Variants in SERPINA3 observed in about 807,000 individuals in gnomAD.
SERPINA3 encodes the protein serpin family A member 3, also known as alpha-1-antichymotrypsin.
SERPINA3 carries 32 observed loss-of-function variants against 26.8 expected under a neutral mutation model. That is an observed-to-expected ratio of 1.20 (90% CI 0.90 to 1.61). SERPINA3 has a LOEUF of 1.61. Ranked by LOEUF, SERPINA3 falls within the 40% of genes most tolerant of loss-of-function variation. The probability of loss-of-function intolerance (pLI) is 0.00; values close to 1 mark genes in which losing one functional copy is unlikely to be tolerated. For missense variants in SERPINA3, 632 were observed against 517.9 expected, an observed-to-expected ratio of 1.22 and a Z score of -2.14; for synonymous variants, 252 against 206.4, an observed-to-expected ratio of 1.22 and a Z score of -1.89.
Position 94,614,998 on chromosome 14 carries a change from A to G in SERPINA3, c.557A>G (p.Asn186Ser). ...AKKLINDYVK[N>S]GTRGKITDLI... The stretch of plus-strand genomic sequence containing the variant: ...AAGCTCATCAACGACTACGTGAAGA[A>G]TGGAACTAGGGGGAAAATCACAGAT... The change falls in exon 2 of 5, where the codon AAT (asparagine) becomes AGT (serine). Residue 186 changes from asparagine to serine, a missense_variant. Physicochemically the swap from Asn to Ser is conservative, Grantham distance 46. Coordinates refer to ENST00000393078, the MANE Select transcript of SERPINA3 (RefSeq NM_001085.5). 1.2e-6 allele frequency: 2 copies of G among 1,614,128 alleles called. No homozygotes were observed. Among genetic ancestry groups the G allele is most frequent in the Non-Finnish European group, 1.7e-6 (2 of 1,179,954 alleles).
chr14:94,619,140 C>A (rs975453481), intron 2 of SERPINA3, 55 bp from the exon 3 acceptor site: 13 of 1,604,898 alleles, frequency 8.1e-6, no homozygotes, highest in Non-Finnish European at 1.1e-5. Flanking sequence ...GAAGCAGGGT[C>A]GAGCAGGGCG....
At chr14:94,620,639 C>T (rs1017342007) in intron 3 of SERPINA3, among the ~76,000 whole-genome samples, 2 of 152,180 alleles carry the variant, frequency 1.3e-5, no homozygotes, top group Non-Finnish European at 1.5e-5. Flanking sequence ...CCGCAGGAAC[C>T]AGGCACAGAC....
At chr14:94,616,025 T>A (rs574689736) in intron 2 of SERPINA3, among the ~76,000 whole-genome samples, 37 of 152,318 alleles carry the variant, frequency 2.4e-4, no homozygotes, top group African/African-American at 8.7e-4. Context: ...CTTCCCCTCC[T>A]GGGCCTGGGT....
At chr14:94,621,540 A>G (rs2139964066) in intron 3 of SERPINA3, among the ~76,000 whole-genome samples, 1 of 152,252 alleles carries the variant, frequency 6.6e-6, no homozygotes, top group Non-Finnish European at 1.5e-5. Context: ...GCATCTTAAG[A>G]GGGCTATAAA....
chr14:94,614,811 C>T lies in SERPINA3; in HGVS notation c.370C>T (p.Arg124Cys), dbSNP rs116880457. The change falls in exon 2 of 5, where the codon CGC becomes TGC. Residue 124 changes from arginine to cysteine, a missense_variant. Physicochemically the swap from Arg to Cys is radical, Grantham distance 180. Coordinates refer to ENST00000393078, the MANE Select transcript of SERPINA3 (RefSeq NM_001085.5). ...TCACCAGAGCTTCCAGCACCTCCTGCGCACCCTCAATCAGTCCAGCGATGA... is the reference window on the plus strand; with the variant it reads ...TCACCAGAGCTTCCAGCACCTCCTGTGCACCCTCAATCAGTCCAGCGATGA... ...EIHQSFQHLL[R>C]TLNQSSDELQ... The T allele has an allele frequency of 8.3e-5, 134 of 1,614,188 alleles. No homozygotes were observed. In the East Asian group the frequency reaches 9.6e-4, roughly 12 times the overall value.
At position 94,614,823 on chromosome 14, in the gene SERPINA3, C is replaced by T. The variant is rs758704953; in HGVS notation, c.382C>T (p.Gln128Ter). The T allele has an allele frequency of 1.2e-6, 2 of 1,614,084 alleles. No individual in the cohort carries two copies. Among genetic ancestry groups the T allele is most frequent in the Non-Finnish European group, 1.7e-6 (2 of 1,180,046 alleles). The change falls in exon 2 of 5, where the codon CAG becomes TAG. Residue 128 changes from glutamine to a stop codon, truncating the protein, a stop_gained. Transcript: ENST00000393078. LOFTEE classifies it high-confidence loss of function. ...CCAGCACCTCCTGCGCACCCTCAAT[C>T]AGTCCAGCGATGAGCTGCAGCTGAG... is the stretch of plus-strand genomic sequence containing the variant. ...SFQHLLRTLN[Q>*]SSDELQLSMG...
intron 2 of SERPINA3, among the ~76,000 whole-genome samples, chr14:94,615,709 G>A (rs1057386358): frequency 7.9e-5 from 12 of 152,206 alleles, no homozygotes; most frequent in Admixed American, 2.0e-4. Flanking sequence ...TTCCCATCTG[G>A]GGAAGAGCCT....
chr14:94,622,320 T>C (rs200232917), intron 3 of SERPINA3, 21 bp from the exon 4 acceptor site: 129 of 1,599,572 alleles, frequency 8.1e-5, no homozygotes, highest in Non-Finnish European at 9.9e-5. Flanking sequence ...GTTCAGATAC[T>C]TTTTTTTTCT....
At chr14:94,619,805 A>C in intron 3 of SERPINA3, 1 of 405,778 alleles carries the variant, frequency 2.5e-6, no homozygotes, top group Non-Finnish European at 4.6e-6. Flanking sequence ...TGATCAGTTG[A>C]GGGCTGCAGT....
Position 94,615,014 on chromosome 14 carries a change from A to C in SERPINA3, c.573A>C (p.Lys191Asn). ...NDYVKNGTRG[K>N]ITDLIKDLDS... ...ACGTGAAGAATGGAACTAGGGGGAA[A>C]ATCACAGATCTGATCAAGGACCTTG... Residue 191 changes from lysine (K) to asparagine (N), a missense_variant, in exon 2 of 5, where the codon AAA becomes AAC. Physicochemically the swap from Lys to Asn is moderately conservative, Grantham distance 94 (BLOSUM62 0). Transcript: ENST00000393078. The C allele has an allele frequency of 1.9e-6, 3 of 1,614,200 alleles. No homozygotes were observed. The highest frequency in any genetic ancestry group is 2.5e-6 in the Non-Finnish European group (3 of 1,180,036).
intron 3 of SERPINA3, 151 bp from the exon 4 acceptor site, chr14:94,622,190 C>T: frequency 1.4e-6 from 1 of 738,708 alleles, no homozygotes; most frequent in Non-Finnish European, 2.4e-6. Flanking sequence ...AGAGTAAAGA[C>T]AGGGGTTAAG....
At chr14:94,613,115 G>A (rs1437028528) in intron 1 of SERPINA3, among the ~76,000 whole-genome samples, 1 of 152,132 alleles carries the variant, frequency 6.6e-6, no homozygotes, top group Admixed American at 6.5e-5. Flanking sequence ...AGCAAACAAG[G>A]TGCCTCTGTC....
intron 2 of SERPINA3, among the ~76,000 whole-genome samples, chr14:94,616,495 T>C (rs1427379411): frequency 6.6e-6 from 1 of 152,180 alleles, no homozygotes; most frequent in East Asian, 1.9e-4. Context: ...ATGCATGAGC[T>C]TCAGGCTGAG....
At chr14:94,614,170 T>C in intron 1 of SERPINA3, 1 of 497,370 alleles carries the variant, frequency 2.0e-6, no homozygotes, top group South Asian at 2.2e-5. Flanking sequence ...GTTTGCTGTA[T>C]GATCTTGGGC....
intron 2 of SERPINA3, among the ~76,000 whole-genome samples, chr14:94,616,349 C>G (rs920882626): frequency 6.6e-6 from 1 of 152,202 alleles, no homozygotes; most frequent in Non-Finnish European, 1.5e-5. Flanking sequence ...CAGGGCCCCT[C>G]CCCTTCCTCT....
chr14:94,614,879 A>G lies in SERPINA3; in HGVS notation c.438A>G (p.Gln146=). ...SMGNAMFVKE[Q]LSLLDRFTED... is the part of the protein sequence containing the mutation. ...GAAATGCCATGTTTGTCAAAGAGCA[A>G]CTCAGTCTGCTGGACAGGTTCACGG... is the stretch of plus-strand genomic sequence containing the variant. The change falls in exon 2 of 5, where the codon CAA becomes CAG. Residue 146 remains glutamine, a synonymous_variant. Transcript: ENST00000393078. The G allele has an allele frequency of 2.5e-6, 4 of 1,614,126 alleles. No homozygotes were observed. Among genetic ancestry groups the G allele is most frequent in the Non-Finnish European group, 3.4e-6 (4 of 1,180,014 alleles).
At chr14:94,620,316 C>T (rs1035673822) in intron 3 of SERPINA3, among the ~76,000 whole-genome samples, 4 of 152,216 alleles carry the variant, frequency 2.6e-5, no homozygotes, top group Non-Finnish European at 5.9e-5. Context: ...GCTGGGCTTC[C>T]ACTTCCTCCA....
At chr14:94,621,215 G>A (rs1040997238) in intron 3 of SERPINA3, among the ~76,000 whole-genome samples, 3 of 152,216 alleles carry the variant, frequency 2.0e-5, no homozygotes, top group South Asian at 2.1e-4. Flanking sequence ...CAACCCATCC[G>A]TTTACTCCCA....
intron 2 of SERPINA3, chr14:94,618,044 T>C (rs1886064534): frequency 6.6e-6 from 1 of 152,170 alleles, no homozygotes; most frequent in Non-Finnish European, 1.5e-5. Context: ...AGGAAAATAA[T>C]TGTACCCAAC....
Sources: gnomAD v4.1 joint callset for allele counts (sites outside exome capture counted in the v4.1 genomes callset) on GRCh38, gnomAD v4.1.1 for gene constraint, MANE v1.5 for transcripts, NCBI Gene and HGNC (gene_info 2026-07-23, HGNC 2026-07-21) for gene names.